The following AGAP1 variants were observed in gnomAD, a reference collection of about 807,000 sequenced individuals.
AGAP1 encodes arf-GAP with GTPase, ANK repeat and PH domain-containing protein 1.
Under a neutral mutation model 105.3 loss-of-function variants are expected in AGAP1, and 29 were observed. That is an observed-to-expected ratio of 0.28 (90% CI 0.21 to 0.38). The LOEUF is 0.38. Ranked by LOEUF, AGAP1 falls within the 10% of genes least tolerant of loss-of-function variation. The probability of loss-of-function intolerance (pLI) is 1.00; values close to 1 mark genes in which losing one functional copy is unlikely to be tolerated. For synonymous variants in AGAP1, 509 were observed against 485.9 expected (o/e 1.05, Z -0.63); for missense variants, 998 against 1,165.1 (o/e 0.86, Z 2.09).
At position 236,044,223 on chromosome 2, in the gene AGAP1, G is replaced by A. The variant is rs1057200835; in HGVS notation, c.1891+3382G>A. ...GCTCTGAAGCTACCTGTTCAGCATG[G>A]CCCAACCCAGCATGTCCCAGGCCCA... On this transcript the variant is annotated intron_variant, in intron 15 of 17. Transcript: ENST00000304032. This position sits in a 1 kb window ranked among gnomAD's most constrained non-coding sequence, Gnocchi z 5.7. Among the ~76,000 whole-genome samples the A allele has an allele frequency of 2.0e-5, 3 of 152,148 alleles. No homozygotes were observed. The highest frequency in any genetic ancestry group is 4.4e-5 in the Non-Finnish European group (3 of 68,034).
At chr2:235,808,570 A>G (rs933345281) in intron 9 of AGAP1, among the ~76,000 whole-genome samples, 1 of 152,106 alleles carries the variant, frequency 6.6e-6, no homozygotes, top group Non-Finnish European at 1.5e-5. Flanking sequence ...GAGCCCAGGA[A>G]CTACTGCAAA....
intron 13 of AGAP1, among the ~76,000 whole-genome samples, chr2:235,995,407 G>T (rs755937516): frequency 2.0e-5 from 3 of 152,018 alleles, no homozygotes; most frequent in African/African-American, 4.8e-5. Context: ...CTAGCTCCTC[G>T]GGAGGCTGAA....
chr2:235,637,064 T>G (rs1329549629), intron 1 of AGAP1, among the ~76,000 whole-genome samples: 1 of 152,086 alleles, frequency 6.6e-6, no homozygotes, highest in African/African-American at 2.4e-5. Context: ...TGAGACAATG[T>G]ATGTCTGTTT....
intron 16 of AGAP1, among the ~76,000 whole-genome samples, chr2:236,102,147 G>T (rs1050690300): frequency 6.6e-6 from 1 of 152,168 alleles, no homozygotes; most frequent in South Asian, 2.1e-4. Context: ...GCCGGGCGCG[G>T]TGGCTCACGC....
intron 1 of AGAP1, among the ~76,000 whole-genome samples, chr2:235,703,021 G>A (rs185150079): frequency 7.0e-6 from 1 of 142,492 alleles, no homozygotes; most frequent in Non-Finnish European, 1.5e-5. Flanking sequence ...TCCACCTCCC[G>A]GGTTTAAGCA....
At chr2:235,627,031 A>G (rs1483285547) in intron 1 of AGAP1, among the ~76,000 whole-genome samples, 1 of 152,090 alleles carries the variant, frequency 6.6e-6, no homozygotes, top group Non-Finnish European at 1.5e-5. Context: ...TAAGTTTGAA[A>G]CCCAACTGTC....
chr2:235,628,522 G>A (rs1212710377), intron 1 of AGAP1, among the ~76,000 whole-genome samples: 1 of 152,156 alleles, frequency 6.6e-6, no homozygotes, highest in East Asian at 1.9e-4. Flanking sequence ...AGGTGGAAGT[G>A]CCCGGTTCTG....
Position 235,902,760 on chromosome 2 carries a change from C to T in AGAP1, c.1156-5978C>T, listed in dbSNP as rs139127044. Among the ~76,000 whole-genome samples, 998 of 152,292 alleles carry T rather than the reference C, an allele frequency of 6.6e-3. 9 individuals carry two copies. Among genetic ancestry groups the T allele is most frequent in the South Asian group, 0.024 (114 of 4,828 alleles). ...TGCAACTCCAACAGCTGCAGAAGTGCGTTTCTGCAAGACAACCATCACCCT... is the reference window on the plus strand; with the variant it reads ...TGCAACTCCAACAGCTGCAGAAGTGTGTTTCTGCAAGACAACCATCACCCT... On this transcript the variant is annotated intron_variant, in intron 10 of 17. Coordinates refer to ENST00000304032, the MANE Select transcript of AGAP1 (RefSeq NM_001037131.3).
chr2:235,720,292 C>G lies in AGAP1; in HGVS notation c.310+2648C>G, dbSNP rs1434333078. Among the ~76,000 whole-genome samples, 1 of 151,882 alleles carries G rather than the reference C, an allele frequency of 6.6e-6. No individual in the cohort carries two copies. On this transcript the variant is annotated intron_variant, in intron 3 of 17. Transcript: ENST00000304032. The surrounding 1 kb of genome is among the most constrained non-coding windows in gnomAD (Gnocchi z 5.0). ...ACCCATGCTTTGCTTAATTGAGAAG[C>G]TTTAGGTATAGAGTGTTGTGGGTTT...
chr2:235,559,864 G>T lies in AGAP1; in HGVS notation c.163+65015G>T, dbSNP rs1944091925. Among the ~76,000 whole-genome samples, 2 of 151,968 alleles carry T rather than the reference G, an allele frequency of 1.3e-5. No individual in the cohort carries two copies. Among genetic ancestry groups the T allele is most frequent in the South Asian group, 4.2e-4 (2 of 4,806 alleles). On this transcript the variant is annotated intron_variant, in intron 1 of 17. Coordinates refer to ENST00000304032, the MANE Select transcript of AGAP1 (RefSeq NM_001037131.3). The surrounding 1 kb of genome is among the most constrained non-coding windows in gnomAD (Gnocchi z 5.7). ...GTCTTTTTATTGTTGAGTGGTTGGAGTTATTTATGGATTCTGGATACTAGA... is the reference window on the plus strand; with the variant it reads ...GTCTTTTTATTGTTGAGTGGTTGGATTTATTTATGGATTCTGGATACTAGA...
At chr2:235,533,122 C>T (rs745356518) in intron 1 of AGAP1, among the ~76,000 whole-genome samples, 9 of 152,166 alleles carry the variant, frequency 5.9e-5, no homozygotes, top group Non-Finnish European at 1.0e-4. Context: ...GAGTTAGGAG[C>T]ATCGCGGATG....
intron 16 of AGAP1, among the ~76,000 whole-genome samples, chr2:236,099,178 T>C (rs942817228): frequency 8.6e-5 from 13 of 151,770 alleles, no homozygotes; most frequent in East Asian, 7.8e-4. Context: ...TGGGGCCAGG[T>C]GCGGTGGCTC....
intron 6 of AGAP1, among the ~76,000 whole-genome samples, chr2:235,795,046 G>A (rs1352989673): frequency 6.6e-6 from 1 of 152,084 alleles, no homozygotes; most frequent in Admixed American, 6.5e-5. Flanking sequence ...AGTAATTAAC[G>A]ATTACAGCCA....
chr2:235,790,447 T>A (rs1165591746), intron 6 of AGAP1, among the ~76,000 whole-genome samples: 1 of 152,132 alleles, frequency 6.6e-6, no homozygotes, highest in Non-Finnish European at 1.5e-5. Context: ...TGAGGCTCTT[T>A]CCCAGCCCCT....
chr2:235,911,392 G>A (rs6431406), intron 11 of AGAP1, among the ~76,000 whole-genome samples: 118,020 of 151,672 alleles, frequency 0.78, 46,011 homozygotes, highest in East Asian at 0.98. Flanking sequence ...GGCTTCAAGG[G>A]ATGGGGGCTA....
chr2:236,085,731 A>G (rs1370461416), intron 16 of AGAP1, among the ~76,000 whole-genome samples: 1 of 152,248 alleles, frequency 6.6e-6, no homozygotes, highest in Non-Finnish European at 1.5e-5. Context: ...ACCAGGGACC[A>G]TGTGGTGGCC....
At chr2:235,863,215 G>A (rs1352174997) in intron 9 of AGAP1, among the ~76,000 whole-genome samples, 1 of 152,234 alleles carries the variant, frequency 6.6e-6, no homozygotes, top group African/African-American at 2.4e-5. Flanking sequence ...GATGGCAGGG[G>A]CATCCCACGT....
rs1313894905 is a variant in AGAP1 at position 236,076,035 on chromosome 2, C to T, written c.2114+26754C>T. Among the ~76,000 whole-genome samples, 1 of 152,238 alleles carries T rather than the reference C, an allele frequency of 6.6e-6. No homozygotes were observed. Among genetic ancestry groups the T allele is most frequent in the East Asian group, 1.9e-4 (1 of 5,192 alleles). On this transcript the variant is annotated intron_variant, in intron 16 of 17. Coordinates refer to ENST00000304032, the MANE Select transcript of AGAP1 (RefSeq NM_001037131.3). The surrounding 1 kb of genome is among the most constrained non-coding windows in gnomAD (Gnocchi z 4.4). ...ATGGACCAGGGGTCTGGGGGCAGCT[C>T]TGCTCCTCACCAAGGCCCAAGACCC...
chr2:235,675,325 G>A (rs1189262872), intron 1 of AGAP1, among the ~76,000 whole-genome samples: 1 of 151,818 alleles, frequency 6.6e-6, no homozygotes, highest in Non-Finnish European at 1.5e-5. Flanking sequence ...CGAATAGCTG[G>A]GACTACAGGT....
Sources: allele counts gnomAD v4.1 joint callset (sites outside exome capture counted in the v4.1 genomes callset), GRCh38; gene constraint gnomAD v4.1.1; non-coding constraint Gnocchi (gnomAD v3.1); transcripts MANE v1.5; gene names NCBI Gene and HGNC (gene_info 2026-07-23, HGNC 2026-07-21).